Variants in ZNF568 observed in about 807,000 individuals in gnomAD.
ZNF568 encodes the protein zinc finger protein 568.
A neutral mutation model predicts 18.1 loss-of-function variants in ZNF568; 11 were observed. The observed-to-expected ratio is 0.61, with a 90% CI of 0.38 to 1.00. The LOEUF is 1.00. ZNF568 is among the 50% of genes least tolerant of loss of function. The pLI, the probability that ZNF568 is intolerant of heterozygous loss-of-function variation, is 0.01. For missense variants in ZNF568, 639 were observed against 768.2 expected (o/e 0.83, Z 1.99); for synonymous variants, 213 against 246.6 (o/e 0.86, Z 1.28).
intron 2 of ZNF568, among the ~76,000 whole-genome samples, chr19:36,919,694 C>T (rs555732379): frequency 2.0e-5 from 3 of 151,986 alleles, no homozygotes; most frequent in Non-Finnish European, 4.4e-5. Context: ...GTACCAGTAC[C>T]GGTACGTGGC....
chr19:36,953,191 T>C (rs2074081583), downstream of ZNF568, among the ~76,000 whole-genome samples: 1 of 152,194 alleles, frequency 6.6e-6, no homozygotes, highest in Non-Finnish European at 1.5e-5. Flanking sequence ...ATTACCAATA[T>C]ATTTAGAGTA....
At chr19:36,962,061 C>T (rs2146323627) in intron 6 of ZNF568, among the ~76,000 whole-genome samples, 1 of 148,488 alleles carries the variant, frequency 6.7e-6, no homozygotes, top group South Asian at 2.1e-4. Flanking sequence ...CCCTCTCTGG[C>T]TCCAAAGTGC....
intron 6 of ZNF568, among the ~76,000 whole-genome samples, chr19:36,966,971 T>C (rs898789098): frequency 6.6e-6 from 1 of 152,176 alleles, no homozygotes; most frequent in African/African-American, 2.4e-5. Context: ...GCTTGTGCAA[T>C]GGGGAGTAAT....
At chr19:36,994,260 T>A (rs189328376) in intron 4 of ZNF568, among the ~76,000 whole-genome samples, 152 of 152,324 alleles carry the variant, frequency 1.0e-3, no homozygotes, top group African/African-American at 3.3e-3. Flanking sequence ...TCCATTGTAG[T>A]TGCAAAACAT....
At chr19:36,991,091 G>T in intron 2 of ZNF568, 1 of 1,400,476 alleles carries the variant, frequency 7.1e-7, no homozygotes, top group African/African-American at 1.4e-5. Flanking sequence ...CTTCCCTATT[G>T]AATTGCTTTC....
At chr19:36,932,927 G>C (rs1365970230) in intron 4 of ZNF568, among the ~76,000 whole-genome samples, 1 of 152,130 alleles carries the variant, frequency 6.6e-6, no homozygotes, top group Admixed American at 6.6e-5. Flanking sequence ...ACATATTCAA[G>C]TGTCATCAGA....
rs1380895149 is a variant in ZNF568 at position 36,943,700 on chromosome 19, G to A, written c.359-5812G>A. Among the ~76,000 whole-genome samples, 7 of 151,966 alleles carry A rather than the reference G, an allele frequency of 4.6e-5. 1 individual carries two copies. The highest frequency in any genetic ancestry group is 1.3e-4 in the Admixed American group (2 of 15,214). ...AGCGAGTCTCGTGCCTCCACCTCCC[G>A]AGTACTGGGATTAAAGGTGTGCGCC... On this transcript the variant is annotated intron_variant, in intron 6 of 6. Coordinates refer to ENST00000333987, the MANE Select transcript of ZNF568 (RefSeq NM_198539.4).
chr19:36,986,731 G>A (rs940890422), intron 2 of ZNF568, among the ~76,000 whole-genome samples: 3 of 152,058 alleles, frequency 2.0e-5, no homozygotes, highest in African/African-American at 4.8e-5. Flanking sequence ...GATTTGATTC[G>A]TATTTTCGGA....
chr19:36,943,210 A>G (rs2073912251), intron 6 of ZNF568, among the ~76,000 whole-genome samples: 1 of 152,226 alleles, frequency 6.6e-6, no homozygotes, highest in Admixed American at 6.5e-5. Context: ...CATAATTGAG[A>G]TTGATCAGTA....
downstream of ZNF568, among the ~76,000 whole-genome samples, chr19:36,984,337 A>C (rs1403427475): frequency 6.6e-6 from 1 of 152,062 alleles, no homozygotes; most frequent in Non-Finnish European, 1.5e-5. Context: ...CCCTTCTATG[A>C]GTTTGAAAGT....
At chr19:36,945,737 A>ATGTGTG (rs35542484) in intron 6 of ZNF568, among the ~76,000 whole-genome samples, 33 of 149,066 alleles carry the variant, frequency 2.2e-4, no homozygotes, top group Admixed American at 9.4e-4. Flanking sequence ...GTGTGATTAT[A>ATGTGTG]TGTGTGTGTG....
At chr19:36,997,150 G>A (rs753860853) in exon 5 of ZNF568, 2 of 1,583,396 alleles carry the variant, frequency 1.3e-6, no homozygotes, top group African/African-American at 2.7e-5. Context: ...GTGTGGAAAG[G>A]TGTACAGTTG....
intron 2 of ZNF568, among the ~76,000 whole-genome samples, chr19:36,919,079 C>T (rs1260500438): frequency 1.3e-5 from 2 of 152,156 alleles, no homozygotes; most frequent in African/African-American, 4.8e-5. Context: ...TTGCAAGTGA[C>T]ACTGCTACAA....
intron 7 of ZNF568, among the ~76,000 whole-genome samples, chr19:36,978,228 G>A (rs2074301279): frequency 6.6e-6 from 1 of 152,208 alleles, no homozygotes; most frequent in Non-Finnish European, 1.5e-5. Context: ...AGCATATTCT[G>A]TATTTAGCAG....
At chr19:36,938,923 G>A (rs553498050) in intron 6 of ZNF568, among the ~76,000 whole-genome samples, 16 of 152,046 alleles carry the variant, frequency 1.1e-4, no homozygotes, top group Non-Finnish European at 1.9e-4. Flanking sequence ...TTGAAATGTC[G>A]TCATATAGAT....
chr19:36,922,918 C>G (rs895581920), intron 3 of ZNF568, 72 bp downstream of exon 3: 1 of 1,358,858 alleles, frequency 7.4e-7, no homozygotes, highest in East Asian at 2.3e-5. Context: ...AAAAGAAATT[C>G]ATTACTCCTA....
intron 4 of ZNF568, among the ~76,000 whole-genome samples, chr19:36,992,812 C>G (rs1402162990): frequency 6.6e-6 from 1 of 152,198 alleles, no homozygotes; most frequent in East Asian, 1.9e-4. Flanking sequence ...CTCCCCAAAT[C>G]CAGCCCTAAG....
At chr19:36,956,739 G>A (rs2074110568), downstream of ZNF568, among the ~76,000 whole-genome samples, 1 of 151,924 alleles carries the variant, frequency 6.6e-6, no homozygotes, top group African/African-American at 2.4e-5. Context: ...TGGGATTACA[G>A]GTGTGCACCA....
intron 7 of ZNF568, among the ~76,000 whole-genome samples, chr19:36,976,783 G>A (rs1365602037): frequency 6.6e-6 from 1 of 152,160 alleles, no homozygotes; most frequent in South Asian, 2.1e-4. Flanking sequence ...GGTGGCGCAT[G>A]CCTGTAATCC....
Sources: gnomAD v4.1 joint callset for allele counts (sites outside exome capture counted in the v4.1 genomes callset) on GRCh38, gnomAD v4.1.1 for gene constraint, MANE v1.5 for transcripts, NCBI Gene and HGNC (gene_info 2026-07-23, HGNC 2026-07-21) for gene names.